Variants in CSMD3 observed in about 807,000 individuals in gnomAD.
The protein encoded by CSMD3 is CUB and Sushi multiple domains 3, also known as CUB and sushi domain-containing protein 3.
A neutral mutation model predicts 435.2 loss-of-function variants in CSMD3; 177 were observed. The ratio of observed to expected loss-of-function variants is 0.41; its 90% CI spans 0.36 to 0.46. The LOEUF is 0.46. Among genes scored for constraint, CSMD3 ranks in the 20% least tolerant of loss-of-function variants. CSMD3 has a pLI of 0.34. For synonymous variants in CSMD3, 1,656 were observed against 1,520.5 expected, an observed-to-expected ratio of 1.09 and a Z score of -2.07; for missense variants, 4,265 against 4,504.6, an observed-to-expected ratio of 0.95 and a Z score of 1.52.
At chr8:113,304,854 T>C (rs1290434364) in intron 2 of CSMD3, among the ~76,000 whole-genome samples, 3 of 140,290 alleles carry the variant, frequency 2.1e-5, no homozygotes, top group South Asian at 4.8e-4. Flanking sequence ...GCATGGCACA[T>C]GTATACATAT....
intron 11 of CSMD3, among the ~76,000 whole-genome samples, chr8:112,857,425 C>T (rs1274658789): frequency 1.3e-5 from 2 of 151,666 alleles, no homozygotes; most frequent in East Asian, 1.9e-4. Context: ...GCAAAGCAAA[C>T]ATCTTATTGA....
At chr8:112,941,523 C>T (rs1410997192) in intron 9 of CSMD3, among the ~76,000 whole-genome samples, 2 of 151,698 alleles carry the variant, frequency 1.3e-5, no homozygotes, top group African/African-American at 4.8e-5. Flanking sequence ...CATGGAAATG[C>T]AGATCAGAGA....
chr8:112,250,380 A>T (rs1297237258), intron 63 of CSMD3, among the ~76,000 whole-genome samples: 1 of 151,732 alleles, frequency 6.6e-6, no homozygotes, highest in Admixed American at 6.6e-5. Flanking sequence ...CTTATACCTA[A>T]TATCTAATAA....
At chr8:112,252,500 C>T (rs1488203193) in intron 63 of CSMD3, among the ~76,000 whole-genome samples, 2 of 151,670 alleles carry the variant, frequency 1.3e-5, no homozygotes, top group African/African-American at 4.8e-5. Context: ...TTAAGTAGCT[C>T]CAAACAGTTT....
chr8:113,087,554 C>T (rs2089839340), intron 5 of CSMD3, among the ~76,000 whole-genome samples: 1 of 152,028 alleles, frequency 6.6e-6, no homozygotes, highest in South Asian at 2.1e-4. Context: ...AATAATGCCG[C>T]ATATCTACAA....
intron 13 of CSMD3, among the ~76,000 whole-genome samples, chr8:112,754,749 G>A (rs1318619202): frequency 6.6e-6 from 1 of 152,116 alleles, no homozygotes; most frequent in Non-Finnish European, 1.5e-5. Context: ...TGAAATATCT[G>A]TCATTTGATG....
chr8:112,903,164 AAAAAAAAAAAAG>A (rs2082155127), intron 10 of CSMD3, among the ~76,000 whole-genome samples: 1 of 140,154 alleles, frequency 7.1e-6, no homozygotes, highest in South Asian at 2.2e-4. Flanking sequence ...AAAAAAAAAA[AAAAAAAAAAAAG>A]AAAAGAAAAC....
At chr8:112,754,931 T>C (rs2077654933) in intron 13 of CSMD3, among the ~76,000 whole-genome samples, 1 of 152,212 alleles carries the variant, frequency 6.6e-6, no homozygotes, top group Non-Finnish European at 1.5e-5. Flanking sequence ...TAGCAATTAC[T>C]GTTAGTTCCA....
chr8:113,070,075 C>T (rs1297918537), intron 5 of CSMD3, among the ~76,000 whole-genome samples: 1 of 152,106 alleles, frequency 6.6e-6, no homozygotes, highest in Non-Finnish European at 1.5e-5. Flanking sequence ...CTTTCATTAT[C>T]ATTCTTGCAG....
intron 13 of CSMD3, among the ~76,000 whole-genome samples, chr8:112,783,530 C>T (rs1055838779): frequency 2.5e-4 from 36 of 145,424 alleles, no homozygotes; most frequent in African/African-American, 7.6e-4. Context: ...GAGGGAAGGA[C>T]GGAGGGAAGA....
At chr8:113,046,454 TGA>T (rs1402973237) in intron 5 of CSMD3, among the ~76,000 whole-genome samples, 2 of 150,500 alleles carry the variant, frequency 1.3e-5, no homozygotes, top group African/African-American at 4.8e-5. Context: ...TGTCTCCCTC[TGA>T]GAGTTCTGAA....
At chr8:112,405,324 G>A in intron 35 of CSMD3, among the ~76,000 whole-genome samples, 1 of 136,258 alleles carries the variant, frequency 7.3e-6, no homozygotes, top group East Asian at 2.2e-4. Context: ...CAAGTCATTA[G>A]AATTATTTTA....
chr8:112,474,478 TACA>T (rs1254887876), intron 31 of CSMD3, among the ~76,000 whole-genome samples: 2 of 152,140 alleles, frequency 1.3e-5, no homozygotes, highest in Admixed American at 1.3e-4. Context: ...AAGGAATCAT[TACA>T]CAAGGAAAAT....
intron 6 of CSMD3, 127 bp from the exon 7 acceptor site, chr8:112,976,275 A>C: frequency 9.3e-7 from 1 of 1,073,148 alleles, no homozygotes; most frequent in Non-Finnish European, 1.4e-6. Context: ...GAGGCAAAAC[A>C]CAAACACGCG....
At chr8:113,213,874 A>T (rs1327377966) in intron 3 of CSMD3, among the ~76,000 whole-genome samples, 2 of 152,018 alleles carry the variant, frequency 1.3e-5, no homozygotes, top group Non-Finnish European at 2.9e-5. Flanking sequence ...CATTTGTGAA[A>T]GTTCTTTATA....
intron 2 of CSMD3, among the ~76,000 whole-genome samples, chr8:113,289,726 T>C (rs948444282): frequency 3.3e-5 from 5 of 151,784 alleles, no homozygotes; most frequent in Non-Finnish European, 5.9e-5. Context: ...ATCATGTTAA[T>C]TTTACTGTAT....
At chr8:112,231,442 T>G (rs2129886448) in intron 69 of CSMD3, 103 bp downstream of exon 69, 2 of 797,722 alleles carry the variant, frequency 2.5e-6, no homozygotes, top group Non-Finnish European at 2.2e-6. Context: ...AGTACAGAAT[T>G]TATAATGCAG....
chr8:113,418,833 G>C lies in CSMD3; in HGVS notation c.178+17844C>G, dbSNP rs78829272. Among the ~76,000 whole-genome samples the C allele has an allele frequency of 7.2e-3, 1,101 of 152,254 alleles. 17 individuals are homozygous for C. The highest frequency in any genetic ancestry group is 0.025 in the African/African-American group (1,036 of 41,552). ...AAACAGAGGTAAAAATGTATCAATG[G>C]TCAAAGAAGAATGACAGTAATTTTA... On this transcript the variant is annotated intron_variant, in intron 1 of 70. Coordinates refer to ENST00000297405, the MANE Select transcript of CSMD3 (RefSeq NM_198123.2).
intron 22 of CSMD3, among the ~76,000 whole-genome samples, chr8:112,600,773 G>A (rs550257085): frequency 2.3e-3 from 346 of 151,742 alleles, no homozygotes; most frequent in African/African-American, 8.0e-3. Context: ...CACCTCCCAA[G>A]TTCACGCCAT....
Sources: gnomAD v4.1 joint callset for allele counts (sites outside exome capture counted in the v4.1 genomes callset) on GRCh38, gnomAD v4.1.1 for gene constraint, MANE v1.5 for transcripts, NCBI Gene and HGNC (gene_info 2026-07-23, HGNC 2026-07-21) for gene names.